The following TNR variants were observed in gnomAD, a reference collection of about 807,000 sequenced individuals.
TNR encodes tenascin-R.
TNR carries 45 observed loss-of-function variants against 150.4 expected under a neutral mutation model. The observed-to-expected ratio is 0.30, with a 90% confidence interval of 0.24 to 0.38. The LOEUF (loss-of-function observed/expected upper bound fraction) is 0.38. Ranked by LOEUF, TNR falls within the 10% of genes least tolerant of loss-of-function variation. The pLI, the probability that TNR is intolerant of heterozygous loss-of-function variation, is 1.00. For synonymous variants in TNR, 687 were observed against 678.4 expected (o/e 1.01, Z -0.20); for missense variants, 1,544 against 1,759.1 (o/e 0.88, Z 2.19).
At chr1:175,707,441 C>A (rs1273645536) in intron 1 of TNR, among the ~76,000 whole-genome samples, 1 of 152,040 alleles carries the variant, frequency 6.6e-6, no homozygotes, top group Non-Finnish European at 1.5e-5. Context: ...CAAACAAAAA[C>A]AAAATCAAAA....
At position 175,335,549 on chromosome 1, in the gene TNR, A is replaced by G; in HGVS notation, c.3631+162T>C. On this transcript the variant is annotated intron_variant, in intron 20 of 22. Transcript: ENST00000367674. ...ACCACAGTAAGATAAAAACAGATCA[A>G]TAGTGAAGCTAAACAGAGCAAGAGG... 4.6e-6 allele frequency: 3 copies of G among 649,110 alleles called. No individual in the cohort carries two copies. The Admixed American group carries it at 8.9e-5, about 19-fold the overall frequency. The allele number at this position is 649,110 out of a possible 1,614,324, so 40.2% of individuals were successfully genotyped here.
intron 8 of TNR, among the ~76,000 whole-genome samples, chr1:175,383,820 G>C (rs984161612): frequency 6.6e-6 from 1 of 152,186 alleles, no homozygotes; most frequent in Non-Finnish European, 1.5e-5. Context: ...CTGCAGTGCT[G>C]TTTGCATCTC....
rs578179230 is a variant in TNR, at chr1:175,718,680, G to T, written c.-165+24546C>A. On this transcript the variant is annotated intron_variant, in intron 1 of 22. Transcript: ENST00000367674. ...AAACTGAGACCGCATAACCCTGAGGGGTCAGACAAACCAAGAACGTCGTTA... is the reference window on the plus strand; with the variant it reads ...AAACTGAGACCGCATAACCCTGAGGTGTCAGACAAACCAAGAACGTCGTTA... Among the ~76,000 whole-genome samples, 7 of 152,306 alleles carry T rather than the reference G, an allele frequency of 4.6e-5. No individual in the cohort carries two copies. In the South Asian group the frequency reaches 1.2e-3, roughly 27 times the overall value.
chr1:175,665,532 C>T (rs1490463225), intron 1 of TNR, among the ~76,000 whole-genome samples: 2 of 152,170 alleles, frequency 1.3e-5, no homozygotes, highest in African/African-American at 4.8e-5. Context: ...AGAGAATGTT[C>T]CTTTTTATCA....
chr1:175,629,181 C>G (rs973276356), intron 1 of TNR, among the ~76,000 whole-genome samples: 6 of 152,084 alleles, frequency 3.9e-5, no homozygotes, highest in Non-Finnish European at 8.8e-5. Flanking sequence ...TAACATATGG[C>G]CAGAGGTACT....
At chr1:175,447,278 T>C (rs971742587) in intron 2 of TNR, among the ~76,000 whole-genome samples, 1 of 152,048 alleles carries the variant, frequency 6.6e-6, no homozygotes, top group Non-Finnish European at 1.5e-5. Context: ...ACACCAGCAG[T>C]GGATTTGTTC....
rs538545404 is a variant in TNR at position 175,592,111 on chromosome 1, C to G, written c.-164-63742G>C. Among the ~76,000 whole-genome samples the G allele has an allele frequency of 2.0e-5, 3 of 152,296 alleles. No homozygotes were observed. The South Asian group carries it at 6.2e-4, about 32-fold the overall frequency. On this transcript the variant is annotated intron_variant, in intron 1 of 22. Transcript: ENST00000367674. ...TTCAGGGCAAGTTAAGTTACTCAAT[C>G]TTTTGAAGACTCAGTTTCTTCACTT...
At chr1:175,529,697 G>A (rs1482004319) in intron 1 of TNR, among the ~76,000 whole-genome samples, 1 of 152,196 alleles carries the variant, frequency 6.6e-6, no homozygotes, top group Non-Finnish European at 1.5e-5. Flanking sequence ...TATTTGGGGG[G>A]CAGATAGCTC....
At position 175,551,124 on chromosome 1, in the gene TNR, G is replaced by A. The variant is rs143656080; in HGVS notation, c.-164-22755C>T. Among the ~76,000 whole-genome samples the A allele has an allele frequency of 3.9e-3, 597 of 152,294 alleles. 3 individuals are homozygous for A. The highest frequency in any genetic ancestry group is 0.014 in the Middle Eastern group (4 of 294). On this transcript the variant is annotated intron_variant, in intron 1 of 22. Transcript: ENST00000367674. ...ATATATAAGAAAGTTCTCTTCTATG[G>A]AGGATCTCATTAGAAACTTCCAGAG... is the stretch of plus-strand genomic sequence containing the variant.
chr1:175,698,919 A>G (rs1666609411), intron 1 of TNR, among the ~76,000 whole-genome samples: 1 of 152,162 alleles, frequency 6.6e-6, no homozygotes, highest in Non-Finnish European at 1.5e-5. Flanking sequence ...CTAGAAAGTT[A>G]TGGGAAGGTT....
intron 2 of TNR, among the ~76,000 whole-genome samples, chr1:175,481,308 C>T (rs1657800805): frequency 6.6e-6 from 1 of 152,114 alleles, no homozygotes; most frequent in Non-Finnish European, 1.5e-5. Flanking sequence ...TATGTCTGGT[C>T]GGTAGAGGCC....
chr1:175,511,932 T>C (rs1659194428), intron 2 of TNR, among the ~76,000 whole-genome samples: 2 of 152,228 alleles, frequency 1.3e-5, no homozygotes, highest in South Asian at 4.1e-4. Context: ...ACAAGACTTC[T>C]CATTCATTGC....
chr1:175,468,138 C>T (rs1390210763), intron 2 of TNR, among the ~76,000 whole-genome samples: 1 of 152,148 alleles, frequency 6.6e-6, no homozygotes, highest in Non-Finnish European at 1.5e-5. Flanking sequence ...GCTGGGACAC[C>T]TTGGTTTCTG....
chr1:175,421,831 C>G (rs182912218), intron 2 of TNR, among the ~76,000 whole-genome samples: 2 of 152,310 alleles, frequency 1.3e-5, no homozygotes, highest in Admixed American at 1.3e-4. Flanking sequence ...ATTATATGCC[C>G]CAGAGCTTGT....
At chr1:175,450,156 A>G (rs1216490992) in intron 2 of TNR, among the ~76,000 whole-genome samples, 1 of 152,244 alleles carries the variant, frequency 6.6e-6, no homozygotes, top group South Asian at 2.1e-4. Context: ...AAAAGTTCCA[A>G]CACTCCACCG....
intron 1 of TNR, among the ~76,000 whole-genome samples, chr1:175,550,837 C>A (rs1660910754): frequency 6.6e-6 from 1 of 150,524 alleles, no homozygotes; most frequent in Non-Finnish European, 1.5e-5. Context: ...TAGGATCCTA[C>A]TTACAAAGGG....
chr1:175,647,045 T>A (rs1664830013), intron 1 of TNR, among the ~76,000 whole-genome samples: 1 of 152,136 alleles, frequency 6.6e-6, no homozygotes, highest in African/African-American at 2.4e-5. Context: ...AGCCCTGAAA[T>A]AGGACAGAGG....
At chr1:175,514,996 C>T (rs1022932435) in intron 2 of TNR, among the ~76,000 whole-genome samples, 4 of 152,210 alleles carry the variant, frequency 2.6e-5, no homozygotes, top group South Asian at 4.1e-4. Flanking sequence ...AAAGAAGTTG[C>T]GATGGTGTCA....
In TNR at chr1:175,577,903, G is replaced by T. The variant is rs80037033; in HGVS notation, c.-164-49534C>A. On this transcript the variant is annotated intron_variant, in intron 1 of 22. Transcript: ENST00000367674. ...TTGCTCATGCAGATAACTAAGAGTG[G>T]GTTGTCAATATCCTACATATTAACT... Among the ~76,000 whole-genome samples the T allele has an allele frequency of 9.0e-3, 1,365 of 152,254 alleles. 27 individuals are homozygous for T. Among genetic ancestry groups the T allele is most frequent in the African/African-American group, 0.031 (1,300 of 41,534 alleles).
Sources: gnomAD v4.1 joint callset for allele counts (sites outside exome capture counted in the v4.1 genomes callset) on GRCh38, gnomAD v4.1.1 for gene constraint, MANE v1.5 for transcripts, NCBI Gene and HGNC (gene_info 2026-07-23, HGNC 2026-07-21) for gene names.